The following FAM135B variants were observed in gnomAD, a reference collection of about 807,000 sequenced individuals.
FAM135B encodes protein FAM135B.
In FAM135B, 43 loss-of-function variants were observed where a neutral mutation model predicts 127.7. The observed-to-expected ratio is 0.34, with a 90% CI of 0.26 to 0.43. The LOEUF (loss-of-function observed/expected upper bound fraction) is 0.43, where lower values mean the gene tolerates loss of function less well. FAM135B is among the 20% of genes least tolerant of loss of function. The probability of loss-of-function intolerance (pLI) is 1.00; values close to 1 mark genes in which losing one functional copy is unlikely to be tolerated. For missense variants in FAM135B, 1,558 were observed against 1,725.6 expected, an observed-to-expected ratio of 0.90 and a Z score of 1.72; for synonymous variants, 670 against 665.1, an observed-to-expected ratio of 1.01 and a Z score of -0.11.
In FAM135B at chr8:138,419,909, A is replaced by C. The variant is rs1393294632; in HGVS notation, c.-19-51907T>G. Among the ~76,000 whole-genome samples, 3 of 152,170 alleles carry C rather than the reference A, an allele frequency of 2.0e-5. No individual in the cohort carries two copies. The South Asian group carries it at 6.2e-4, about 31-fold the overall frequency. On this transcript the variant is annotated intron_variant, in intron 1 of 19. Transcript: ENST00000395297. The stretch of plus-strand genomic sequence containing the variant: ...AGTTACAGAAAGGTCTCAAATTAAC[A>C]ACCTAACATCACACCTAGGGGAACC...
intron 11 of FAM135B, among the ~76,000 whole-genome samples, chr8:138,168,951 CCCCCCTTCT>C (rs1292385635): frequency 1.3e-5 from 2 of 152,090 alleles, no homozygotes; most frequent in African/African-American, 4.8e-5. Flanking sequence ...CCTCTGGAAG[CCCCCCTTCT>C]CCAGTCTTGT....
chr8:138,175,352 T>C (rs971892510), intron 11 of FAM135B, among the ~76,000 whole-genome samples: 2 of 152,018 alleles, frequency 1.3e-5, no homozygotes, highest in African/African-American at 2.4e-5. Flanking sequence ...TGTTTCCATA[T>C]CAGAATCTTT....
intron 11 of FAM135B, among the ~76,000 whole-genome samples, chr8:138,174,883 C>T (rs752787979): frequency 2.2e-4 from 33 of 152,150 alleles, no homozygotes; most frequent in Non-Finnish European, 4.0e-4. Flanking sequence ...ACTTGTAGGC[C>T]TTCCATCACC....
intron 1 of FAM135B, among the ~76,000 whole-genome samples, chr8:138,451,284 T>C (rs1448989205): frequency 1.3e-5 from 2 of 152,212 alleles, no homozygotes; most frequent in Admixed American, 6.5e-5. Context: ...CAAGTTGCAT[T>C]CTTGTTTGCT....
chr8:138,149,305 T>C (rs1259776770), intron 13 of FAM135B, among the ~76,000 whole-genome samples: 2 of 152,118 alleles, frequency 1.3e-5, no homozygotes, highest in African/African-American at 4.8e-5. Context: ...CAAGGCCCCA[T>C]GCAATCTTTA....
chr8:138,142,090 GA>G (rs1817213609), intron 16 of FAM135B, among the ~76,000 whole-genome samples: 1 of 151,930 alleles, frequency 6.6e-6, no homozygotes, highest in Non-Finnish European at 1.5e-5. Flanking sequence ...GTGGAATAAA[GA>G]AGTAATATTT....
At chr8:138,298,568 T>C (rs1361500218) in intron 3 of FAM135B, among the ~76,000 whole-genome samples, 1 of 152,088 alleles carries the variant, frequency 6.6e-6, no homozygotes, top group African/African-American at 2.4e-5. Flanking sequence ...AGAAGATAAG[T>C]GTAAGAGGAA....
chr8:138,177,473 C>T, intron 10 of FAM135B, 53 bp from the exon 11 acceptor site: 2 of 1,446,824 alleles, frequency 1.4e-6, no homozygotes, highest in African/African-American at 1.4e-5. Flanking sequence ...GTATTACCTG[C>T]ACTTTCTTTT....
At chr8:138,479,537 T>C (rs1472672341) in intron 1 of FAM135B, among the ~76,000 whole-genome samples, 1 of 152,220 alleles carries the variant, frequency 6.6e-6, no homozygotes, top group Non-Finnish European at 1.5e-5. Flanking sequence ...TAGGAAATTA[T>C]AAACGTTTTA....
At chr8:138,352,542 C>A (rs1033113019) in intron 2 of FAM135B, among the ~76,000 whole-genome samples, 2 of 152,168 alleles carry the variant, frequency 1.3e-5, no homozygotes, top group Non-Finnish European at 2.9e-5. Context: ...GGCATCCATT[C>A]ATCTTCTCTC....
intron 1 of FAM135B, among the ~76,000 whole-genome samples, chr8:138,384,012 G>A (rs537953943): frequency 6.6e-6 from 1 of 152,112 alleles, no homozygotes; most frequent in Non-Finnish European, 1.5e-5. Flanking sequence ...CCCTGTTTTG[G>A]AATGTCCATC....
chr8:138,137,595 A>G (rs112817487), intron 18 of FAM135B, among the ~76,000 whole-genome samples: 2 of 152,276 alleles, frequency 1.3e-5, no homozygotes, highest in Admixed American at 6.5e-5. Flanking sequence ...ATAAGCAACT[A>G]GAATGGGACC....
intron 1 of FAM135B, among the ~76,000 whole-genome samples, chr8:138,487,671 T>G: frequency 2.0e-5 from 3 of 151,606 alleles, no homozygotes; most frequent in African/African-American, 7.3e-5. Flanking sequence ...GCAGGGGTGG[T>G]ACTTCTTTTC....
chr8:138,201,367 G>A (rs189055680), intron 7 of FAM135B, among the ~76,000 whole-genome samples: 3 of 152,034 alleles, frequency 2.0e-5, no homozygotes, highest in African/African-American at 4.8e-5. Context: ...TTGGGGAATC[G>A]TCGCAAGGCT....
chr8:138,181,816 A>G (rs1815068744), intron 9 of FAM135B, among the ~76,000 whole-genome samples: 1 of 151,986 alleles, frequency 6.6e-6, no homozygotes, highest in South Asian at 2.1e-4. Context: ...TAAGTCTAAG[A>G]TCCTTCTTGA....
intron 12 of FAM135B, among the ~76,000 whole-genome samples, chr8:138,163,014 A>C (rs1819543722): frequency 6.6e-6 from 1 of 152,236 alleles, no homozygotes. Flanking sequence ...AATTAGTTTC[A>C]CTATTGCAAC....
chr8:138,495,288 C>A (rs1815349564), intron 1 of FAM135B, among the ~76,000 whole-genome samples: 1 of 152,194 alleles, frequency 6.6e-6, no homozygotes. Context: ...TGAGGTGGAA[C>A]AACTCAAGGT....
chr8:138,243,144 G>A lies in FAM135B; in HGVS notation c.543-76C>T, dbSNP rs2130390296. 2.0e-6 allele frequency: 3 copies of A among 1,511,096 alleles called. No individual in the cohort carries two copies. The highest frequency in any genetic ancestry group is 2.7e-6 in the Non-Finnish European group (3 of 1,127,726). 93.6% of individuals were successfully genotyped at this position (1,511,096 alleles called of 1,614,324 possible). On this transcript the variant is annotated intron_variant, in intron 6 of 19. Transcript: ENST00000395297. The surrounding 1 kb of genome is among the most constrained non-coding windows in gnomAD (Gnocchi z 7.5). ...GTGCCATTAACTCAGCCCCTTTGAGGAGTGTTCCTGTGAAGCATTTGGGAT... is the reference window on the plus strand; with the variant it reads ...GTGCCATTAACTCAGCCCCTTTGAGAAGTGTTCCTGTGAAGCATTTGGGAT...
intron 11 of FAM135B, among the ~76,000 whole-genome samples, chr8:138,170,644 T>A (rs1480524512): frequency 1.3e-5 from 2 of 152,234 alleles, no homozygotes; most frequent in African/African-American, 4.8e-5. Flanking sequence ...TGATTCCCTA[T>A]ATAGCTGGTA....
Sources: gnomAD v4.1 joint callset for allele counts (sites outside exome capture counted in the v4.1 genomes callset) on GRCh38, gnomAD v4.1.1 for gene constraint, Gnocchi (gnomAD v3.1) non-coding constraint, MANE v1.5 for transcripts, NCBI Gene and HGNC (gene_info 2026-07-23, HGNC 2026-07-21) for gene names.